PSMD2: variants seen among roughly 807,000 people sequenced by gnomAD.
PSMD2 encodes the protein proteasome 26S subunit ubiquitin receptor, non-ATPase 2, also known as 26S proteasome non-ATPase regulatory subunit 2.
A neutral mutation model predicts 101.5 loss-of-function variants in PSMD2; 8 were observed. That is an observed-to-expected ratio of 0.08 (90% confidence interval 0.05 to 0.14). The LOEUF (loss-of-function observed/expected upper bound fraction) is 0.14, where lower values mean the gene tolerates loss of function less well. PSMD2 is among the 10% of genes least tolerant of loss of function. PSMD2 has a pLI of 1.00. For synonymous variants in PSMD2, 418 were observed against 433.8 expected (o/e 0.96, Z 0.45); for missense variants, 784 against 1,147.4 (o/e 0.68, Z 4.58).
In PSMD2 at chr3:184,307,461, C is replaced by A. The variant is rs140661538; in HGVS notation, c.2139C>A (p.Phe713Leu). Residue 713 changes from phenylalanine to leucine, a missense_variant, in exon 17 of 21, where the codon TTC (phenylalanine) becomes TTA (leucine). Phe to Leu is a conservative substitution (Grantham distance 22, BLOSUM62 0). Transcript: ENST00000310118. ...RLNILDTLSK[F>L]SHDADPEVSY... ...ACATCCTGGATACCCTAAGCAAATT[C>A]TCTCATGATGCTGATCCAGAAGTTT... 3.7e-6 allele frequency: 6 copies of A among 1,614,080 alleles called. No homozygotes were observed. Among genetic ancestry groups the A allele is most frequent in the Non-Finnish European group, 5.1e-6 (6 of 1,180,038 alleles).
intron 7 of PSMD2, 33 bp from the exon 8 acceptor site, chr3:184,302,969 G>A (rs779817005): frequency 6.2e-7 from 1 of 1,613,658 alleles, no homozygotes; most frequent in South Asian, 1.1e-5. Context: ...GGAGTTCTAG[G>A]GAAGCAATTG....
rs1169902334 is a variant in PSMD2 at position 184,308,309 on chromosome 3, G to A, written c.2426-140G>A. 1 of 830,554 alleles carries A rather than the reference G, an allele frequency of 1.2e-6. No individual in the cohort carries two copies. The highest frequency in any genetic ancestry group is 1.9e-6 in the Non-Finnish European group (1 of 521,880). 51.4% of individuals were successfully genotyped at this position (830,554 alleles called of 1,614,324 possible). A position where few individuals can be genotyped will look rare whatever the true frequency, so the allele number is the denominator to read the frequency against. On this transcript the variant is annotated intron_variant, in intron 19 of 20. Transcript: ENST00000310118. The surrounding 1 kb of genome is among the most constrained non-coding windows in gnomAD (Gnocchi z 6.0). ...GAGGTGGGGGCGTCTCTGGTTCGTAGTAGGGTGTATGAGGGGAGGAGTGTG... is the reference window on the plus strand; with the variant it reads ...GAGGTGGGGGCGTCTCTGGTTCGTAATAGGGTGTATGAGGGGAGGAGTGTG...
At chr3:184,300,700 G>T in intron 3 of PSMD2, 3 of 1,190,346 alleles carry the variant, frequency 2.5e-6, no homozygotes, top group South Asian at 5.2e-5. Flanking sequence ...GTTTAACCTT[G>T]ATTTTTCTCT....
In PSMD2 at chr3:184,302,035, A is replaced by T; in HGVS notation, c.668A>T (p.Glu223Val). Residue 223 changes from glutamate to valine, a missense_variant, in exon 5 of 21, where the codon GAA becomes GTA. Coordinates refer to ENST00000310118, the MANE Select transcript of PSMD2 (RefSeq NM_002808.5). ...QVDMLEKDID[E>V]NAYAKVCLYL... Reference sequence around the variant, plus strand: ...GACATGCTGGAGAAGGACATTGATGAAAATGCATATGCAAAGGTCTGCCTT... The same window carrying T: ...GACATGCTGGAGAAGGACATTGATGTAAATGCATATGCAAAGGTCTGCCTT... 2 of 1,614,202 alleles carry T rather than the reference A, an allele frequency of 1.2e-6. No individual in the cohort carries two copies. The highest frequency in any genetic ancestry group is 1.7e-6 in the Non-Finnish European group (2 of 1,180,042).
At chr3:184,306,901 T>C in intron 16 of PSMD2, 67 bp downstream of exon 16, 1 of 1,263,940 alleles carries the variant, frequency 7.9e-7, no homozygotes, top group Non-Finnish European at 1.1e-6. Flanking sequence ...CAGGGAAGAT[T>C]TTTCTGATGG....
intron 3 of PSMD2, among the ~76,000 whole-genome samples, chr3:184,301,122 A>G (rs1721628917): frequency 6.6e-6 from 1 of 151,482 alleles, no homozygotes; most frequent in Admixed American, 6.6e-5. Context: ...TGAGGTCAGG[A>G]GTTTTAGACC....
chr3:184,307,323 T>C (rs1474947127), intron 16 of PSMD2, 34 bp from the exon 17 acceptor site: 6 of 1,610,214 alleles, frequency 3.7e-6, no homozygotes, highest in Non-Finnish European at 5.1e-6. Flanking sequence ...TTTACTGCAT[T>C]CCGCCTTACT....
chr3:184,308,630 CT>C lies in PSMD2; in HGVS notation c.2544+65del, dbSNP rs1721926819. ...TCTCAAACTGGAGAATGTACATATA[CT>C]TGCTTTGCTGAAACTGGCGTGGGCG... On this transcript the variant is annotated intron_variant, in intron 20 of 20. Coordinates refer to ENST00000310118, the MANE Select transcript of PSMD2 (RefSeq NM_002808.5). The surrounding 1 kb of genome is among the most constrained non-coding windows in gnomAD (Gnocchi z 6.0). 1 of 1,585,570 alleles carries C rather than the reference CT, an allele frequency of 6.3e-7. No homozygotes were observed. The highest frequency in any genetic ancestry group is 1.7e-5 in the Admixed American group (1 of 59,238).
chr3:184,300,658 G>T, intron 3 of PSMD2: 10 of 1,321,952 alleles, frequency 7.6e-6, no homozygotes, highest in East Asian at 6.0e-5. Context: ...TGGACTTTGG[G>T]GTTTCATTAG....
intron 3 of PSMD2, 163 bp downstream of exon 3, chr3:184,300,607 A>G (rs1333951036): frequency 7.1e-6 from 10 of 1,416,272 alleles, no homozygotes; most frequent in Non-Finnish European, 9.2e-6. Flanking sequence ...AGCTGAAAGG[A>G]AGGTCAGCTT....
chr3:184,299,382 A>G lies in PSMD2; in HGVS notation c.116A>G (p.Lys39Arg). 7.2e-7 allele frequency: 1 copy of G among 1,396,784 alleles called. No homozygotes were observed. Among genetic ancestry groups the G allele is most frequent in the Non-Finnish European group, 9.3e-7 (1 of 1,078,976 alleles). The allele number at this position is 1,396,784 out of a possible 1,614,324, so 86.5% of individuals were successfully genotyped here. The change falls in exon 1 of 21, where the codon AAG becomes AGG. Residue 39 changes from lysine to arginine, a missense_variant. Physicochemically the swap from Lys to Arg is conservative, Grantham distance 26 (BLOSUM62 2). Coordinates refer to ENST00000310118, the MANE Select transcript of PSMD2 (RefSeq NM_002808.5). The part of the protein sequence containing the change: ...SGKERRDAGD[K>R]DKEQELSEED... ...AAGGAGCGGCGGGATGCCGGGGACA[A>G]GGACAAAGAACAGGAGCTGGTGAGG... is the stretch of plus-strand genomic sequence containing the variant.
chr3:184,301,994 G>A lies in PSMD2; in HGVS notation c.627G>A (p.Met209Ile). 6.2e-7 allele frequency: 1 copy of A among 1,614,200 alleles called. No homozygotes were observed. The highest frequency in any genetic ancestry group is 8.5e-7 in the Non-Finnish European group (1 of 1,180,048). Residue 209 changes from methionine (M) to isoleucine (I), a missense_variant, in exon 5 of 21, where the codon ATG (methionine) becomes ATA (isoleucine). This residue lies in a region of PSMD2 where 208 missense variants were observed against 301.6 expected (regional missense o/e 0.69). Transcript: ENST00000310118. ...NAEHEACDLL[M>I]EIEQVDMLEK... ...AGCATGAGGCTTGCGACCTGCTTAT[G>A]GAAATTGAGCAGGTGGACATGCTGG...
rs769466584 is a variant in PSMD2 at position 184,308,252 on chromosome 3, C to T, written c.2426-197C>T. Among the ~76,000 whole-genome samples, 7 of 152,122 alleles carry T rather than the reference C, an allele frequency of 4.6e-5. No individual in the cohort carries two copies. Among genetic ancestry groups the T allele is most frequent in the South Asian group, 2.1e-4 (1 of 4,826 alleles). ...CTGCTCCTAAGTCACTGGGGAAATG[C>T]GATTTTCAAGTCTAAGGGCTGTAAG... is the stretch of plus-strand genomic sequence containing the variant. On this transcript the variant is annotated intron_variant, in intron 19 of 20. Transcript: ENST00000310118. The surrounding 1 kb of genome is among the most constrained non-coding windows in gnomAD (Gnocchi z 6.0).
chr3:184,309,038 C>CT lies in PSMD2; in HGVS notation c.*152dup, dbSNP rs1398855687. On this transcript the variant is annotated 3_prime_UTR_variant, in exon 21 of 21. Transcript: ENST00000310118. Reference sequence around the variant, plus strand: ...GTGAGATAAGGTTGTTCAATAAAGACTTTTATCCCCAAGGTCTCTCTGTGT... The same window carrying CT: ...GTGAGATAAGGTTGTTCAATAAAGACTTTTTATCCCCAAGGTCTCTCTGTGT... 6 of 816,418 alleles carry CT rather than the reference C, an allele frequency of 7.3e-6. No individual in the cohort carries two copies. In the Admixed American group the frequency reaches 1.7e-4, roughly 23 times the overall value. The allele number at this position is 816,418 out of a possible 1,614,324, so 50.6% of individuals were successfully genotyped here.
intron 3 of PSMD2, 59 bp from the exon 4 acceptor site, chr3:184,301,478 G>C: frequency 1.3e-6 from 2 of 1,595,618 alleles, no homozygotes; most frequent in South Asian, 2.2e-5. Flanking sequence ...ATTCCACAAT[G>C]CATGCTCCCT....
chr3:184,308,595 C>T lies in PSMD2; in HGVS notation c.2544+28C>T, dbSNP rs1452120155. On this transcript the variant is annotated intron_variant, in intron 20 of 20. Coordinates refer to ENST00000310118, the MANE Select transcript of PSMD2 (RefSeq NM_002808.5). This position sits in a 1 kb window ranked among gnomAD's most constrained non-coding sequence, Gnocchi z 6.0. Reference sequence around the variant, plus strand: ...GAGAGGCTGAGTAGAGGGGAGGGCTCAGGCTGTATTCTCAAACTGGAGAAT... The same window carrying T: ...GAGAGGCTGAGTAGAGGGGAGGGCTTAGGCTGTATTCTCAAACTGGAGAAT... 6.3e-7 allele frequency: 1 copy of T among 1,598,468 alleles called. No homozygotes were observed. The highest frequency in any genetic ancestry group is 2.2e-5 in the East Asian group (1 of 44,746).
chr3:184,300,190 C>T, intron 2 of PSMD2, 90 bp from the exon 3 acceptor site: 1 of 1,309,726 alleles, frequency 7.6e-7, no homozygotes, highest in Non-Finnish European at 1.1e-6. Context: ...ACAGCATTTC[C>T]TTGGAGGAGT....
At position 184,308,068 on chromosome 3, in the gene PSMD2, C is replaced by T; in HGVS notation, c.2425+52C>T. ...CATAGCATGCAGGGCTCTGACTCCA[C>T]CCTTTCCAGGGCCACTTTGATAATT... On this transcript the variant is annotated intron_variant, in intron 19 of 20. Transcript: ENST00000310118. The surrounding 1 kb of genome is among the most constrained non-coding windows in gnomAD (Gnocchi z 6.0). The T allele has an allele frequency of 1.2e-6, 2 of 1,603,012 alleles. No homozygotes were observed. Among genetic ancestry groups the T allele is most frequent in the Non-Finnish European group, 1.7e-6 (2 of 1,175,420 alleles).
In PSMD2 at chr3:184,308,074, C is replaced by G. The variant is rs369061287; in HGVS notation, c.2425+58C>G. On this transcript the variant is annotated intron_variant, in intron 19 of 20. Transcript: ENST00000310118. The surrounding 1 kb of genome is among the most constrained non-coding windows in gnomAD (Gnocchi z 6.0). ...ATGCAGGGCTCTGACTCCACCCTTT[C>G]CAGGGCCACTTTGATAATTTAGGTT... 19 of 1,596,704 alleles carry G rather than the reference C, an allele frequency of 1.2e-5. No homozygotes were observed. In the South Asian group the frequency reaches 1.9e-4, roughly 16 times the overall value.
Sources: gnomAD v4.1 joint callset for allele counts (sites outside exome capture counted in the v4.1 genomes callset) on GRCh38, gnomAD v4.1.1 for gene constraint, gnomAD v4.1.1 regional missense constraint, Gnocchi (gnomAD v3.1) non-coding constraint, MANE v1.5 for transcripts, NCBI Gene and HGNC (gene_info 2026-07-23, HGNC 2026-07-21) for gene names.